LMBR1: variants seen among roughly 807,000 people sequenced by gnomAD.
The protein encoded by LMBR1 is limb development membrane protein 1.
LMBR1 carries 52 observed loss-of-function variants against 73.9 expected under a neutral mutation model. The observed-to-expected ratio is 0.70, with a 90% CI of 0.56 to 0.89. The LOEUF is 0.89. LMBR1 is among the 40% of genes least tolerant of loss of function. LMBR1 has a pLI of 0.00. For missense variants in LMBR1, 539 were observed against 579.8 expected, an observed-to-expected ratio of 0.93 and a Z score of 0.72; for synonymous variants, 215 against 209.4, an observed-to-expected ratio of 1.03 and a Z score of -0.23.
Position 156,892,942 on chromosome 7 carries a change from C to T in LMBR1, c.52G>A (p.Val18Met), listed in dbSNP as rs147215221. The T allele has an allele frequency of 3.8e-5, 58 of 1,540,640 alleles. No individual in the cohort carries two copies. The highest frequency in any genetic ancestry group is 4.9e-5 in the Non-Finnish European group (56 of 1,151,224). The change falls in exon 1 of 17, where the codon GTG (valine) becomes ATG (methionine). Residue 18 changes from valine (V) to methionine (M), a missense_variant. This residue lies in a region of LMBR1 where 454 missense variants were observed against 473.4 expected (regional missense o/e 0.96). Transcript: ENST00000353442. ...SAREQHFHSQVRESTICFLLF... is the reference protein window; with the variant it reads ...SAREQHFHSQMRESTICFLLF... ...TCCCCACGCACCGTGGACTCCCGCACTTGGCTGTGGAAGTGCTGCTCCCGC... is the reference window on the plus strand; with the variant it reads ...TCCCCACGCACCGTGGACTCCCGCATTTGGCTGTGGAAGTGCTGCTCCCGC...
chr7:156,790,884 TACATGGTTATA>T (rs1320533365), intron 5 of LMBR1, among the ~76,000 whole-genome samples: 1 of 152,244 alleles, frequency 6.6e-6, no homozygotes, highest in Non-Finnish European at 1.5e-5. Context: ...ATGCTCACTT[TACATGGTTATA>T]ACCACACCTT....
At chr7:156,676,261 A>G (rs1410593061), downstream of LMBR1, 4 of 1,544,396 alleles carry the variant, frequency 2.6e-6, no homozygotes, top group Non-Finnish European at 3.5e-6. Flanking sequence ...ATATATGTAT[A>G]TATATAAATA....
At chr7:156,879,663 C>CAAA (rs751353773) in intron 1 of LMBR1, among the ~76,000 whole-genome samples, 14,111 of 91,968 alleles carry the variant, frequency 0.15, 1,275 homozygotes, top group East Asian at 0.3. Flanking sequence ...GACTCTGTCT[C>CAAA]AAAAAAAAAA....
intron 1 of LMBR1, among the ~76,000 whole-genome samples, chr7:156,861,370 A>T (rs1039042571): frequency 2.0e-5 from 3 of 152,174 alleles, no homozygotes; most frequent in African/African-American, 7.2e-5. Context: ...CCAAGTCCTG[A>T]GGCTGCACAG....
At chr7:156,827,868 A>AT (rs1400615889) in intron 3 of LMBR1, among the ~76,000 whole-genome samples, 2 of 152,222 alleles carry the variant, frequency 1.3e-5, no homozygotes, top group African/African-American at 2.4e-5. Flanking sequence ...TCAATTATAA[A>AT]TTTTAAAATA....
In LMBR1 at chr7:156,681,063, G is replaced by T; in HGVS notation, c.*3015C>A. 2.6e-6 allele frequency: 1 copy of T among 388,976 alleles called. No individual in the cohort carries two copies. Among genetic ancestry groups the T allele is most frequent in the Non-Finnish European group, 4.8e-6 (1 of 206,224 alleles). 24.1% of individuals were successfully genotyped at this position (388,976 alleles called of 1,614,324 possible). A position where few individuals can be genotyped will look rare whatever the true frequency, so the allele number is the denominator to read the frequency against. ...CCAGTTTTTTCAAGTTTAAAAAGTC[G>T]GTGCTGCATCTATGTTCACATTAAA... On this transcript the variant is annotated 3_prime_UTR_variant, in exon 17 of 17. Coordinates refer to ENST00000353442, the MANE Select transcript of LMBR1 (RefSeq NM_022458.4).
chr7:156,778,660 C>A (rs1196271677), intron 5 of LMBR1, among the ~76,000 whole-genome samples: 1 of 152,152 alleles, frequency 6.6e-6, no homozygotes, highest in Non-Finnish European at 1.5e-5. Flanking sequence ...AGTAAATATA[C>A]AAGTACTCAA....
chr7:156,803,786 A>C (rs573205331), intron 4 of LMBR1, among the ~76,000 whole-genome samples: 14 of 152,136 alleles, frequency 9.2e-5, no homozygotes, highest in Admixed American at 5.2e-4. Context: ...AATGTGGCAC[A>C]TATACACCAT....
chr7:156,831,150 A>T (rs1428045323), intron 3 of LMBR1, among the ~76,000 whole-genome samples: 1 of 152,134 alleles, frequency 6.6e-6, no homozygotes, highest in Admixed American at 6.6e-5. Context: ...AAACTAAATA[A>T]GGTGAGAGTT....
chr7:156,717,770 G>A (rs1813538298), intron 15 of LMBR1, among the ~76,000 whole-genome samples: 1 of 152,158 alleles, frequency 6.6e-6, no homozygotes, highest in Non-Finnish European at 1.5e-5. Context: ...AGAGTCATCA[G>A]AAAGAAGGAG....
At chr7:156,863,991 A>G (rs1469479369) in intron 1 of LMBR1, among the ~76,000 whole-genome samples, 1 of 152,012 alleles carries the variant, frequency 6.6e-6, no homozygotes, top group Non-Finnish European at 1.5e-5. Context: ...CTCTACTAAA[A>G]ATACAAAAAA....
intron 5 of LMBR1, among the ~76,000 whole-genome samples, chr7:156,784,098 T>C (rs1827662097): frequency 6.6e-6 from 1 of 152,038 alleles, no homozygotes; most frequent in Admixed American, 6.5e-5. Flanking sequence ...CATGCATTTC[T>C]GGCAATACTG....
At chr7:156,692,974 G>C (rs1431901125) in intron 15 of LMBR1, among the ~76,000 whole-genome samples, 1 of 151,970 alleles carries the variant, frequency 6.6e-6, no homozygotes, top group Non-Finnish European at 1.5e-5. Flanking sequence ...TATACTGTGG[G>C]ATATGCAAAT....
intron 5 of LMBR1, among the ~76,000 whole-genome samples, chr7:156,788,611 A>AT (rs1239315987): frequency 7.0e-6 from 1 of 143,112 alleles, no homozygotes; most frequent in African/African-American, 2.6e-5. Context: ...GGCTCTCAAC[A>AT]TATCTTGTTT....
At chr7:156,765,449 G>A (rs983457680) in intron 5 of LMBR1, among the ~76,000 whole-genome samples, 10 of 152,202 alleles carry the variant, frequency 6.6e-5, no homozygotes, top group African/African-American at 2.2e-4. Flanking sequence ...CCCAAGCCAT[G>A]TGGAACTGAG....
At chr7:156,779,364 C>T (rs1433443613) in intron 5 of LMBR1, among the ~76,000 whole-genome samples, 1 of 152,070 alleles carries the variant, frequency 6.6e-6, no homozygotes, top group Non-Finnish European at 1.5e-5. Flanking sequence ...ACTTTTCTGC[C>T]AATGAAACAT....
intron 1 of LMBR1, among the ~76,000 whole-genome samples, chr7:156,887,892 T>TC (rs1802189932): frequency 1.3e-5 from 2 of 152,108 alleles, no homozygotes; most frequent in African/African-American, 4.8e-5. Context: ...GTCCATATAG[T>TC]CAATAAGCAC....
intron 4 of LMBR1, among the ~76,000 whole-genome samples, chr7:156,820,075 T>C (rs1361579590): frequency 2.6e-5 from 4 of 152,202 alleles, no homozygotes; most frequent in Non-Finnish European, 5.9e-5. Context: ...TACACCCCCA[T>C]TCGATTCTTA....
At position 156,682,833 on chromosome 7, in the gene LMBR1, T is replaced by G. The variant is rs957731980; in HGVS notation, c.*1245A>C. ...ATACACACAGTGCATGTGAACATAT[T>G]TATATAGCAGACTGCATAACTACGA... On this transcript the variant is annotated 3_prime_UTR_variant, in exon 17 of 17. Coordinates refer to ENST00000353442, the MANE Select transcript of LMBR1 (RefSeq NM_022458.4). The G allele has an allele frequency of 6.6e-6, 1 of 152,220 alleles. No homozygotes were observed. Among genetic ancestry groups the G allele is most frequent in the African/African-American group, 2.4e-5 (1 of 41,454 alleles). 9.4% of individuals were successfully genotyped at this position (152,220 alleles called of 1,614,324 possible).
Sources: allele counts gnomAD v4.1 joint callset (sites outside exome capture counted in the v4.1 genomes callset), GRCh38; gene constraint gnomAD v4.1.1; regional missense constraint gnomAD v4.1.1; transcripts MANE v1.5; gene names NCBI Gene and HGNC (gene_info 2026-07-23, HGNC 2026-07-21).